CFAP299: variants seen among roughly 807,000 people sequenced by gnomAD.
The protein encoded by CFAP299 is cilia and flagella associated protein 299, also known as cilia- and flagella-associated protein 299.
CFAP299 carries 21 observed loss-of-function variants against 27.0 expected under a neutral mutation model. The observed-to-expected ratio is 0.78, with a 90% confidence interval of 0.55 to 1.12. The LOEUF (loss-of-function observed/expected upper bound fraction) is 1.12, where lower values mean the gene tolerates loss of function less well. Ranked by LOEUF, CFAP299 falls within the 50% of genes most tolerant of loss-of-function variation. The probability of loss-of-function intolerance (pLI) is 0.00; values close to 1 mark genes in which losing one functional copy is unlikely to be tolerated. For missense variants in CFAP299, 310 were observed against 276.6 expected, an observed-to-expected ratio of 1.12 and a Z score of -0.86; for synonymous variants, 104 against 98.1, an observed-to-expected ratio of 1.06 and a Z score of -0.36.
intron 3 of CFAP299, among the ~76,000 whole-genome samples, chr4:80,654,938 A>T (rs1033317736): frequency 6.6e-6 from 1 of 152,002 alleles, no homozygotes; most frequent in Non-Finnish European, 1.5e-5. Flanking sequence ...TATTTTTAAA[A>T]AATTAAAATA....
At position 80,738,546 on chromosome 4, in the gene CFAP299, C is replaced by G. The variant is rs1261184752; in HGVS notation, c.334-131447C>G. 2.0e-5 allele frequency among the ~76,000 whole-genome samples: 3 copies of G among 151,940 alleles called. No homozygotes were observed. In the East Asian group the frequency reaches 5.8e-4, roughly 29 times the overall value. ...TCTGTTTTGTCTGGTATAAGGATAG[C>G]TGCTCCTGCTCTTTTCTGGTTTCCT... On this transcript the variant is annotated intron_variant, in intron 3 of 5. Transcript: ENST00000358105.
At chr4:80,645,649 G>A (rs1342505486) in intron 3 of CFAP299, among the ~76,000 whole-genome samples, 1 of 152,068 alleles carries the variant, frequency 6.6e-6, no homozygotes, top group Non-Finnish European at 1.5e-5. Context: ...TATGTTGCAT[G>A]CCATCTAACT....
chr4:80,952,759 T>C (rs1737849432), intron 5 of CFAP299, among the ~76,000 whole-genome samples: 1 of 152,052 alleles, frequency 6.6e-6, no homozygotes, highest in Admixed American at 6.6e-5. Flanking sequence ...AGAGCTCCTC[T>C]CTCCTCTGTT....
At chr4:80,633,003 T>G (rs928774258) in intron 3 of CFAP299, among the ~76,000 whole-genome samples, 3 of 152,164 alleles carry the variant, frequency 2.0e-5, no homozygotes, top group African/African-American at 2.4e-5. Flanking sequence ...AGACACAAAA[T>G]CTCACTAAAA....
intron 4 of CFAP299, among the ~76,000 whole-genome samples, chr4:80,905,862 A>G (rs1276616785): frequency 6.6e-6 from 1 of 152,174 alleles, no homozygotes; most frequent in African/African-American, 2.4e-5. Context: ...ACTACAATTC[A>G]AGATGATATT....
intron 2 of CFAP299, among the ~76,000 whole-genome samples, chr4:80,399,060 C>T (rs1725986802): frequency 6.6e-6 from 1 of 152,096 alleles, no homozygotes; most frequent in Non-Finnish European, 1.5e-5. Context: ...CAAAAGAAGA[C>T]ATTTATGTAG....
At chr4:80,387,956 C>A in intron 2 of CFAP299, 1 of 778,566 alleles carries the variant, frequency 1.3e-6, no homozygotes, top group South Asian at 1.6e-5. Context: ...TTTGCCAGGG[C>A]TGTACACTGT....
chr4:80,366,953 A>G (rs1439970018), intron 2 of CFAP299, among the ~76,000 whole-genome samples: 2 of 152,204 alleles, frequency 1.3e-5, no homozygotes, highest in Non-Finnish European at 2.9e-5. Flanking sequence ...GGCTAGAAAA[A>G]AAAGACTACT....
chr4:80,405,667 A>G (rs937587989), intron 2 of CFAP299, among the ~76,000 whole-genome samples: 4 of 151,978 alleles, frequency 2.6e-5, no homozygotes, highest in Non-Finnish European at 1.5e-5. Flanking sequence ...ATTGTTTGGT[A>G]TTATTAGTAT....
At chr4:80,519,833 A>G (rs1732813125) in intron 2 of CFAP299, among the ~76,000 whole-genome samples, 1 of 152,186 alleles carries the variant, frequency 6.6e-6, no homozygotes. Context: ...ACATAAATTT[A>G]TGTTGCATAC....
chr4:80,634,024 G>A (rs1001203022), intron 3 of CFAP299, among the ~76,000 whole-genome samples: 40 of 130,238 alleles, frequency 3.1e-4, no homozygotes, highest in African/African-American at 9.3e-4. Context: ...TAGCTCTGTC[G>A]CCCAGGCTGT....
chr4:80,322,259 T>A, the CFAP299 span, among the ~76,000 whole-genome samples: 1 of 152,158 alleles, frequency 6.6e-6, no homozygotes, highest in Admixed American at 6.5e-5. Flanking sequence ...TAAATGCATA[T>A]CCTTGCTCCT....
chr4:80,454,972 G>A (rs533738056), intron 2 of CFAP299, among the ~76,000 whole-genome samples: 1 of 152,284 alleles, frequency 6.6e-6, no homozygotes, highest in South Asian at 2.1e-4. Flanking sequence ...CACAAGACCA[G>A]ATGAGCCAGT....
chr4:80,623,686 A>G (rs1010264618), intron 3 of CFAP299, among the ~76,000 whole-genome samples: 1 of 152,164 alleles, frequency 6.6e-6, no homozygotes, highest in Non-Finnish European at 1.5e-5. Flanking sequence ...CCATTTCCTC[A>G]GGGAAAAGAG....
intron 2 of CFAP299, among the ~76,000 whole-genome samples, chr4:80,390,986 T>C (rs554923012): frequency 1.6e-4 from 20 of 125,310 alleles, no homozygotes; most frequent in Non-Finnish European, 2.7e-4. Context: ...TACACACATG[T>C]ATATATGTAT....
chr4:80,896,488 A>G (rs893354911), intron 4 of CFAP299, among the ~76,000 whole-genome samples: 6 of 152,022 alleles, frequency 3.9e-5, no homozygotes, highest in Admixed American at 6.5e-5. Context: ...CAGATCAGAC[A>G]CACAAATTAA....
chr4:80,646,617 G>A (rs1023059173), intron 3 of CFAP299, among the ~76,000 whole-genome samples: 3 of 152,192 alleles, frequency 2.0e-5, no homozygotes, highest in East Asian at 1.9e-4. Flanking sequence ...CAGAAAACAA[G>A]GTCATGTATC....
At chr4:80,765,414 G>GA (rs939991145) in intron 3 of CFAP299, among the ~76,000 whole-genome samples, 1 of 151,768 alleles carries the variant, frequency 6.6e-6, no homozygotes, top group Admixed American at 6.6e-5. Context: ...GATTCCCATA[G>GA]AAAAAAACAG....
Position 80,617,513 on chromosome 4 carries a change from C to A in CFAP299, c.333+34330C>A, listed in dbSNP as rs140326338. 7.3e-4 allele frequency among the ~76,000 whole-genome samples: 111 copies of A among 152,170 alleles called. 1 individual carries two copies. In the East Asian group the frequency reaches 0.016, roughly 22 times the overall value. Reference sequence around the variant, plus strand: ...TTCATGGTACAACCTTGTCCACTTCCCTAGGATCATTTCAGATGGATCAAG... The same window carrying A: ...TTCATGGTACAACCTTGTCCACTTCACTAGGATCATTTCAGATGGATCAAG... On this transcript the variant is annotated intron_variant, in intron 3 of 5. Transcript: ENST00000358105.
Sources: allele counts gnomAD v4.1 joint callset (sites outside exome capture counted in the v4.1 genomes callset), GRCh38; gene constraint gnomAD v4.1.1; transcripts MANE v1.5; gene names NCBI Gene and HGNC (gene_info 2026-07-23, HGNC 2026-07-21).